SLC9A6: variants seen among roughly 807,000 people sequenced by gnomAD.
SLC9A6 encodes the protein sodium/hydrogen exchanger 6.
A neutral mutation model predicts 45.3 loss-of-function variants in SLC9A6; 6 were observed. The observed-to-expected ratio is 0.13, with a 90% CI of 0.07 to 0.26. SLC9A6 has a LOEUF of 0.26. Ranked by LOEUF, SLC9A6 falls within the 10% of genes least tolerant of loss-of-function variation. SLC9A6 has a pLI of 1.00. For missense variants in SLC9A6, 278 were observed against 503.7 expected (o/e 0.55, Z 4.29); for synonymous variants, 191 against 187.7 (o/e 1.02, Z -0.14).
chrX:136,042,237 C>T lies in SLC9A6; in HGVS notation c.1767+2056C>T, dbSNP rs1370575437. Among the ~76,000 whole-genome samples, 10 of 108,342 alleles carry T rather than the reference C, an allele frequency of 9.2e-5. No individual in the cohort carries two copies. The East Asian group carries it at 1.5e-3, about 16-fold the overall frequency. 94.1% of individuals were successfully genotyped at this position (108,342 alleles called of 115,157 possible). The stretch of plus-strand genomic sequence containing the variant: ...TCACCCAGGCTGGAGTGCAGTGGCG[C>T]GATCTTGGCTCACTGCAACCTCTAC... On this transcript the variant is annotated intron_variant, in intron 17 of 17. Transcript: ENST00000630721.
At chrX:136,026,004 G>T (rs6654311) in intron 13 of SLC9A6, among the ~76,000 whole-genome samples, 1 of 111,284 alleles carries the variant, frequency 9.0e-6, no homozygotes, top group Non-Finnish European at 1.9e-5. Flanking sequence ...AGACAAAAAC[G>T]TACCTACTCA....
chrX:136,009,432 G>A (rs1556618357), intron 7 of SLC9A6, among the ~76,000 whole-genome samples: 1 of 110,892 alleles, frequency 9.0e-6, no homozygotes, highest in Non-Finnish European at 1.9e-5. Flanking sequence ...CTTGTATATG[G>A]TATAGCAAAC....
At chrX:135,989,414 C>A (rs376811697) in intron 2 of SLC9A6, among the ~76,000 whole-genome samples, 15 of 112,014 alleles carry the variant, frequency 1.3e-4, no homozygotes, top group African/African-American at 4.5e-4. Context: ...CAAAATATGG[C>A]AGAAATATTT....
chrX:135,980,238 G>A (rs2089280463), upstream of SLC9A6, among the ~76,000 whole-genome samples: 1 of 107,709 alleles, frequency 9.3e-6, no homozygotes, highest in Admixed American at 1.0e-4. Flanking sequence ...TTTTAAGACG[G>A]AGTCTCACTC....
At chrX:136,007,294 G>T (rs1210048571) in intron 7 of SLC9A6, among the ~76,000 whole-genome samples, 4 of 110,015 alleles carry the variant, frequency 3.6e-5, no homozygotes, top group Admixed American at 2.0e-4. Flanking sequence ...TCAATGGGGG[G>T]GGGTTCCTAT....
Position 136,047,215 on chromosome X carries a change from A to G in SLC9A6, c.*2491A>G, listed in dbSNP as rs1603226813. 1.8e-5 allele frequency: 2 copies of G among 112,537 alleles called. No homozygotes were observed. The highest frequency in any genetic ancestry group is 6.5e-5 in the African/African-American group (2 of 30,908). 9.3% of individuals were successfully genotyped at this position (112,537 alleles called of 1,213,427 possible). ...ATTTTTCTACCTATATACCTAGTGGAAAAGGGGAAGACTAATGTTTTCAAA... is the reference window on the plus strand; with the variant it reads ...ATTTTTCTACCTATATACCTAGTGGGAAAGGGGAAGACTAATGTTTTCAAA... On this transcript the variant is annotated 3_prime_UTR_variant, in exon 18 of 18. Coordinates refer to ENST00000630721, the MANE Select transcript of SLC9A6 (RefSeq NM_001379110.1).
chrX:136,018,730 A>G (rs1386757937), intron 11 of SLC9A6, among the ~76,000 whole-genome samples: 1 of 111,271 alleles, frequency 9.0e-6, no homozygotes, highest in African/African-American at 3.3e-5. Flanking sequence ...AATTTTTAAA[A>G]GAAATATTTT....
chrX:135,999,402 A>T (rs2089550454), intron 6 of SLC9A6, among the ~76,000 whole-genome samples: 1 of 111,955 alleles, frequency 8.9e-6, no homozygotes, highest in Non-Finnish European at 1.9e-5. Context: ...TATGCATTTA[A>T]CAGTAAGAAA....
intron 2 of SLC9A6, among the ~76,000 whole-genome samples, chrX:135,993,551 C>T (rs1054543328): frequency 1.5e-4 from 17 of 111,375 alleles, no homozygotes; most frequent in Middle Eastern, 4.6e-3. Context: ...TTTGGGAGGC[C>T]GAGGTGGATG....
chrX:135,998,214 G>C (rs2089532690), intron 4 of SLC9A6, 29 bp downstream of exon 4: 1 of 894,287 alleles, frequency 1.1e-6, no homozygotes, highest in Non-Finnish European at 1.6e-6. Context: ...CATATACTTT[G>C]AATAATCTTA....
chrX:136,010,693 T>C, intron 8 of SLC9A6, 110 bp downstream of exon 8: 1 of 704,962 alleles, frequency 1.4e-6, no homozygotes, highest in East Asian at 3.4e-5. Flanking sequence ...GAATTATTAA[T>C]CTTATAACTA....
chrX:135,973,851 GGAA>G, upstream of SLC9A6: 2 of 1,160,952 alleles, frequency 1.7e-6, no homozygotes, highest in Middle Eastern at 4.7e-4. Context: ...AGGAATGCCG[GGAA>G]GAAGCAGAAA....
At chrX:135,994,127 C>G (rs2089468574) in intron 2 of SLC9A6, among the ~76,000 whole-genome samples, 2 of 101,830 alleles carry the variant, frequency 2.0e-5, no homozygotes, top group African/African-American at 7.3e-5. Context: ...TTTTTTGAGA[C>G]AGGGTTTCAC....
intron 17 of SLC9A6, among the ~76,000 whole-genome samples, chrX:136,041,488 C>G (rs1289030281): frequency 1.8e-5 from 2 of 111,693 alleles, no homozygotes; most frequent in Non-Finnish European, 3.8e-5. Context: ...GGGGCACACA[C>G]CCCATGTTGC....
At chrX:136,035,142 G>A (rs1556621680) in intron 16 of SLC9A6, among the ~76,000 whole-genome samples, 5 of 111,671 alleles carry the variant, frequency 4.5e-5, no homozygotes, top group African/African-American at 6.5e-5. Context: ...TTAATACCTA[G>A]TGCCCTGATA....
At chrX:135,974,994 T>C (rs375235852) in intron 1 of SLC9A6, 1 of 226,807 alleles carries the variant, frequency 4.4e-6, no homozygotes. Flanking sequence ...AATGTAGACA[T>C]TTAATAGTGA....
At chrX:136,005,495 A>G (rs1556617846) in intron 7 of SLC9A6, among the ~76,000 whole-genome samples, 2 of 112,272 alleles carry the variant, frequency 1.8e-5, no homozygotes, top group African/African-American at 6.5e-5. Flanking sequence ...AGCCTGGCCA[A>G]CATGGCAAAA....
intron 16 of SLC9A6, among the ~76,000 whole-genome samples, chrX:136,034,122 CG>C (rs1556621513): frequency 9.1e-6 from 1 of 109,492 alleles, no homozygotes; most frequent in Non-Finnish European, 1.9e-5. Flanking sequence ...CCCCAACTCC[CG>C]GGCCGCGGAC....
chrX:136,031,044 A>C (rs1390564606), intron 15 of SLC9A6, among the ~76,000 whole-genome samples: 2 of 111,862 alleles, frequency 1.8e-5, no homozygotes, highest in African/African-American at 6.5e-5. Context: ...GATGAGTGTG[A>C]ATGTATGTAT....
Sources: allele counts gnomAD v4.1 joint callset (sites outside exome capture counted in the v4.1 genomes callset), GRCh38; gene constraint gnomAD v4.1.1; transcripts MANE v1.5; gene names NCBI Gene and HGNC (gene_info 2026-07-23, HGNC 2026-07-21).